Variants in IFFO1 observed in about 807,000 individuals in gnomAD.
The protein encoded by IFFO1 is intermediate filament family orphan 1, also known as non-homologous end joining factor IFFO1.
Under a neutral mutation model 59.6 loss-of-function variants are expected in IFFO1, and 42 were observed. The ratio of observed to expected loss-of-function variants is 0.70; its 90% CI spans 0.55 to 0.91. IFFO1 has a LOEUF of 0.91. IFFO1 is among the 40% of genes least tolerant of loss of function. The probability of loss-of-function intolerance (pLI) is 0.00; values close to 1 mark genes in which losing one functional copy is unlikely to be tolerated. For synonymous variants in IFFO1, 336 were observed against 342.8 expected, an observed-to-expected ratio of 0.98 and a Z score of 0.22; for missense variants, 711 against 793.2, an observed-to-expected ratio of 0.90 and a Z score of 1.24.
chr12:6,545,392 C>A (rs1418719320), intron 8 of IFFO1, among the ~76,000 whole-genome samples: 6 of 151,434 alleles, frequency 4.0e-5, no homozygotes, highest in Non-Finnish European at 7.4e-5. Context: ...TTCTGAGTGG[C>A]CTGATAAAAT....
chr12:6,551,104 T>G, intron 1 of IFFO1, 103 bp from the exon 2 acceptor site: 1 of 1,170,182 alleles, frequency 8.5e-7, no homozygotes, highest in Admixed American at 1.9e-5. Context: ...AGACCCCAGT[T>G]CTGGTTCCCT....
intron 1 of IFFO1, among the ~76,000 whole-genome samples, chr12:6,553,302 C>T (rs1210125140): frequency 6.6e-6 from 1 of 152,068 alleles, no homozygotes; most frequent in Non-Finnish European, 1.5e-5. Context: ...TCCTGGACAG[C>T]TGGACCAAGG....
At chr12:6,545,032 G>C (rs1565566184) in intron 8 of IFFO1, 1 of 151,978 alleles carries the variant, frequency 6.6e-6, no homozygotes, top group Non-Finnish European at 1.5e-5. Context: ...GGCTAACATG[G>C]TGAAACCCCG....
Position 6,550,804 on chromosome 12 carries a change from AAACC to A in IFFO1, c.835-18_835-15del. On this transcript the variant is annotated splice_polypyrimidine_tract_variant and intron_variant, in intron 2 of 9. Transcript: ENST00000619571. ...CTCCTGGGCTTCCTGCAGTTGGGAG[AAACC>A]CTGATGTTGGTGGCACTGCCGAGGT... The A allele has an allele frequency of 6.2e-7, 1 of 1,613,158 alleles. No homozygotes were observed. Among genetic ancestry groups the A allele is most frequent in the Non-Finnish European group, 8.5e-7 (1 of 1,179,230 alleles).
At chr12:6,547,978 C>T (rs1198445350) in intron 8 of IFFO1, 87 bp downstream of exon 8, 8 of 965,282 alleles carry the variant, frequency 8.3e-6, no homozygotes, top group Non-Finnish European at 1.4e-5. Flanking sequence ...CTCTAGGGTC[C>T]TGCAGCAGGG....
chr12:6,554,796 G>A (rs1049240996), intron 1 of IFFO1, among the ~76,000 whole-genome samples: 11 of 152,152 alleles, frequency 7.2e-5, no homozygotes, highest in Non-Finnish European at 1.0e-4. Flanking sequence ...GGAAACCTTG[G>A]GGTGTGAAAG....
rs1340389146 is a variant in IFFO1, at chr12:6,539,806, G to C, written c.*677C>G. On this transcript the variant is annotated 3_prime_UTR_variant, in exon 10 of 10. Transcript: ENST00000619571. ...CTCTGTCATTCTGCAGTGACCAGGAGAGCAAGAGCTCCCACCTCCCTTCAA... is the reference window on the plus strand; with the variant it reads ...CTCTGTCATTCTGCAGTGACCAGGACAGCAAGAGCTCCCACCTCCCTTCAA... 6.5e-6 allele frequency: 1 copy of C among 154,402 alleles called. No homozygotes were observed. The highest frequency in any genetic ancestry group is 2.4e-5 in the African/African-American group (1 of 41,468). The allele number at this position is 154,402 out of a possible 1,614,324, so 9.6% of individuals were successfully genotyped here.
At chr12:6,547,822 C>G (rs570273001) in intron 8 of IFFO1, among the ~76,000 whole-genome samples, 1 of 151,902 alleles carries the variant, frequency 6.6e-6, no homozygotes, top group Non-Finnish European at 1.5e-5. Flanking sequence ...TCAGAGGGAA[C>G]AAGTAACTTA....
chr12:6,555,427 G>A lies in IFFO1; in HGVS notation c.603C>T (p.His201=). ...FMPGTIWSFS[H]ARRLGPGLEP... Reference sequence around the variant, plus strand: ...CCAGTCCCGGCCCGAGCCGGCGGGCGTGCGAGAACGACCAGATGGTGCCGG... The same window carrying A: ...CCAGTCCCGGCCCGAGCCGGCGGGCATGCGAGAACGACCAGATGGTGCCGG... The change falls in exon 1 of 10, where the codon CAC becomes CAT. Residue 201 remains histidine (H), a synonymous_variant. Coordinates refer to ENST00000619571, the MANE Select transcript of IFFO1 (RefSeq NM_001193457.2). This position sits in a 1 kb window ranked among gnomAD's most constrained non-coding sequence, Gnocchi z 8.6. 6.2e-7 allele frequency: 1 copy of A among 1,613,960 alleles called. No individual in the cohort carries two copies. The highest frequency in any genetic ancestry group is 8.5e-7 in the Non-Finnish European group (1 of 1,179,912).
At position 6,548,259 on chromosome 12, in the gene IFFO1, G is replaced by A. The variant is rs1222867809; in HGVS notation, c.1384-99C>T. On this transcript the variant is annotated intron_variant, in intron 7 of 9. Coordinates refer to ENST00000619571, the MANE Select transcript of IFFO1 (RefSeq NM_001193457.2). The surrounding 1 kb of genome is among the most constrained non-coding windows in gnomAD (Gnocchi z 6.1). ...AGGGAGAGAGAGAGAGAGGAAGTCT[G>A]GTTAAAGAAACTGGAGAAAGAAAAG... The A allele has an allele frequency of 7.4e-6, 10 of 1,349,092 alleles. No homozygotes were observed. The highest frequency in any genetic ancestry group is 9.5e-6 in the Non-Finnish European group (9 of 944,474). The allele number at this position is 1,349,092 out of a possible 1,614,324, so 83.6% of individuals were successfully genotyped here.
downstream of IFFO1, chr12:6,539,446 C>T (rs1186577658): frequency 6.6e-6 from 1 of 151,102 alleles, no homozygotes; most frequent in African/African-American, 2.4e-5. Flanking sequence ...GTATGAGACT[C>T]CATCTCAAAA....
rs749200957 is a variant in IFFO1 at position 6,551,012 on chromosome 12, T to A, written c.774-11A>T. On this transcript the variant is annotated splice_polypyrimidine_tract_variant and intron_variant, in intron 1 of 9. Coordinates refer to ENST00000619571, the MANE Select transcript of IFFO1 (RefSeq NM_001193457.2). ...TACTCCTCTTCCCACCTGACAGACA[T>A]GGGAAGGGCGGAGAGAGCTTAGGTA... The A allele has an allele frequency of 1.2e-6, 2 of 1,614,012 alleles. No individual in the cohort carries two copies. The highest frequency in any genetic ancestry group is 4.5e-5 in the East Asian group (2 of 44,870).
intron 8 of IFFO1, among the ~76,000 whole-genome samples, chr12:6,542,744 G>A (rs954696134): frequency 3.3e-5 from 5 of 152,174 alleles, no homozygotes; most frequent in Non-Finnish European, 5.9e-5. Flanking sequence ...AGCAGGACAC[G>A]GTGACTGTTC....
At position 6,548,521 on chromosome 12, in the gene IFFO1, G is replaced by A. The variant is rs1381260419; in HGVS notation, c.1287C>T (p.Asp429=). Residue 429 remains aspartate, a synonymous_variant, in exon 7 of 10, where the codon GAC becomes GAT. Transcript: ENST00000619571. This position sits in a 1 kb window ranked among gnomAD's most constrained non-coding sequence, Gnocchi z 6.1. The part of the protein sequence containing the change: ...NQLREYDFED[D]CDSLTWEETE... ...TCTCCTCCCAAGTCAGGCTGTCACAGTCGTCCTCAAAATCATACTCCCTCC... is the reference window on the plus strand; with the variant it reads ...TCTCCTCCCAAGTCAGGCTGTCACAATCGTCCTCAAAATCATACTCCCTCC... The A allele has an allele frequency of 1.2e-6, 2 of 1,613,920 alleles. No individual in the cohort carries two copies. Among genetic ancestry groups the A allele is most frequent in the Admixed American group, 1.7e-5 (1 of 59,992 alleles).
At chr12:6,542,010 T>C (rs1946740384) in intron 8 of IFFO1, among the ~76,000 whole-genome samples, 1 of 152,126 alleles carries the variant, frequency 6.6e-6, no homozygotes, top group Non-Finnish European at 1.5e-5. Context: ...TCCCCTGTAC[T>C]GCGCTGGTCC....
chr12:6,542,053 G>A lies in IFFO1; in HGVS notation c.1480-411C>T, dbSNP rs192839026. Among the ~76,000 whole-genome samples the A allele has an allele frequency of 3.8e-3, 573 of 152,170 alleles. 3 individuals are homozygous for A. Among genetic ancestry groups the A allele is most frequent in the African/African-American group, 0.013 (547 of 41,512 alleles). Reference sequence around the variant, plus strand: ...TCCCCTCACTGCACTGTGAGCTCCCGTAAGGGTTAGCGACAGGTTTTCCTC... The same window carrying A: ...TCCCCTCACTGCACTGTGAGCTCCCATAAGGGTTAGCGACAGGTTTTCCTC... On this transcript the variant is annotated intron_variant, in intron 8 of 9. Transcript: ENST00000619571.
At position 6,555,862 on chromosome 12, in the gene IFFO1, C is replaced by T. The variant is rs369830873; in HGVS notation, c.168G>A (p.Pro56=). ...CCATGGCGGCAGGCGGGGCCGGGCC[C>T]GGCCCGGGCGGCGAGTAGGCAGCAG... ...AGPAAYSPPG[P]GPAPPAAMAL... is the part of the protein sequence containing the mutation. The change falls in exon 1 of 10, where the codon CCG becomes CCA. Residue 56 remains proline (P), a synonymous_variant. Transcript: ENST00000619571. The surrounding 1 kb of genome is among the most constrained non-coding windows in gnomAD (Gnocchi z 8.6). The T allele has an allele frequency of 1.3e-5, 21 of 1,605,836 alleles. No homozygotes were observed. The Admixed American group carries it at 1.5e-4, about 12-fold the overall frequency.
chr12:6,547,714 G>A (rs1947029177), intron 8 of IFFO1, among the ~76,000 whole-genome samples: 1 of 150,572 alleles, frequency 6.6e-6, no homozygotes. Context: ...AGGGAGAGAG[G>A]GAGGGAGGGA....
In IFFO1 at chr12:6,540,460, G is replaced by A. The variant is rs768169682; in HGVS notation, c.*23C>T. 4 of 1,578,294 alleles carry A rather than the reference G, an allele frequency of 2.5e-6. No homozygotes were observed. Among genetic ancestry groups the A allele is most frequent in the Non-Finnish European group, 1.7e-6 (2 of 1,147,440 alleles). ...CTGAGCTCCCTGCTGCGAGGGCCTC[G>A]GGTGCAAGGGGGAGGCAGGTCTCTA... On this transcript the variant is annotated 3_prime_UTR_variant, in exon 10 of 10. Coordinates refer to ENST00000619571, the MANE Select transcript of IFFO1 (RefSeq NM_001193457.2).
Sources: gnomAD v4.1 joint callset for allele counts (sites outside exome capture counted in the v4.1 genomes callset) on GRCh38, gnomAD v4.1.1 for gene constraint, Gnocchi (gnomAD v3.1) non-coding constraint, MANE v1.5 for transcripts, NCBI Gene and HGNC (gene_info 2026-07-23, HGNC 2026-07-21) for gene names.